The following NRG1 variants were observed in gnomAD, a reference collection of about 807,000 sequenced individuals.
The protein encoded by NRG1 is neuregulin 1, also known as pro-neuregulin-1, membrane-bound isoform.
In NRG1, 18 loss-of-function variants were observed where a neutral mutation model predicts 63.8. That is an observed-to-expected ratio of 0.28 (90% CI 0.19 to 0.42). The LOEUF (loss-of-function observed/expected upper bound fraction) is 0.42. Ranked by LOEUF, NRG1 falls within the 10% of genes least tolerant of loss-of-function variation. NRG1 has a pLI of 1.00. For synonymous variants in NRG1, 302 were observed against 301.3 expected (o/e 1.00, Z -0.02); for missense variants, 762 against 814.7 (o/e 0.94, Z 0.79).
intron 8 of NRG1, among the ~76,000 whole-genome samples, 156 bp from the exon 9 acceptor site, chr8:32,756,247 C>T (rs1341592131): frequency 6.6e-6 from 1 of 152,060 alleles, no homozygotes; most frequent in African/African-American, 2.4e-5. Flanking sequence ...TGTGGTTTCA[C>T]TTATTCTGGG....
intron 1 of NRG1, among the ~76,000 whole-genome samples, chr8:32,384,730 C>T (rs957398197): frequency 6.6e-6 from 1 of 152,128 alleles, no homozygotes; most frequent in Non-Finnish European, 1.5e-5. Flanking sequence ...ATTTCTAAGT[C>T]GTTTTTACAT....
intron 1 of NRG1, among the ~76,000 whole-genome samples, chr8:31,833,228 A>G (rs1280919603): frequency 6.6e-6 from 1 of 152,210 alleles, no homozygotes; most frequent in African/African-American, 2.4e-5. Flanking sequence ...TTAAAATCTC[A>G]GCTATTTGTT....
intron 1 of NRG1, among the ~76,000 whole-genome samples, chr8:32,538,093 C>T (rs935318077): frequency 3.9e-5 from 6 of 152,084 alleles, no homozygotes; most frequent in African/African-American, 1.4e-4. Context: ...CTCAAGTGAT[C>T]CACCTGCCTC....
intron 1 of NRG1, among the ~76,000 whole-genome samples, chr8:32,331,205 T>A (rs577852769): frequency 3.3e-5 from 5 of 152,112 alleles, no homozygotes; most frequent in Admixed American, 6.5e-5. Flanking sequence ...ACAGAAAGCT[T>A]CTTCTTCTGG....
chr8:31,858,223 TG>T (rs1035520510), intron 1 of NRG1, among the ~76,000 whole-genome samples: 8 of 150,956 alleles, frequency 5.3e-5, no homozygotes, highest in African/African-American at 1.7e-4. Context: ...GGCGTGAAAC[TG>T]GGAGGTGGAG....
chr8:32,420,334 A>G (rs186057650), intron 1 of NRG1, among the ~76,000 whole-genome samples: 16 of 152,276 alleles, frequency 1.1e-4, no homozygotes, highest in Admixed American at 1.0e-3. Context: ...AAAAGTTCCA[A>G]AAACTTCCTT....
intron 1 of NRG1, among the ~76,000 whole-genome samples, chr8:32,125,460 T>G (rs1833954489): frequency 6.6e-6 from 1 of 151,968 alleles, no homozygotes; most frequent in Non-Finnish European, 1.5e-5. Flanking sequence ...ATCTGCTGAT[T>G]AATTATGCAT....
intron 1 of NRG1, among the ~76,000 whole-genome samples, chr8:32,510,691 G>T (rs75673683): frequency 0.12 from 17,797 of 151,932 alleles, 1,310 homozygotes; most frequent in Admixed American, 0.25. Flanking sequence ...TAAAACAAAG[G>T]GCTCAGCCAG....
rs548803086 is a variant in NRG1, at chr8:31,858,596, A to G, written c.37+219165A>G. Among the ~76,000 whole-genome samples, 3 of 152,296 alleles carry G rather than the reference A, an allele frequency of 2.0e-5. No individual in the cohort carries two copies. In the South Asian group the frequency reaches 6.2e-4, roughly 32 times the overall value. On this transcript the variant is annotated intron_variant, in intron 1 of 10. Coordinates refer to the NRG1 transcript ENST00000519301. ...GAAGAAGCTCCAAAGAACTTCCCAAAGCCAAACTTACACCAAAAAAATGTT... is the reference window on the plus strand; with the variant it reads ...GAAGAAGCTCCAAAGAACTTCCCAAGGCCAAACTTACACCAAAAAAATGTT...
chr8:32,092,032 A>C (rs1228602665), intron 1 of NRG1, among the ~76,000 whole-genome samples: 1 of 152,170 alleles, frequency 6.6e-6, no homozygotes, highest in Non-Finnish European at 1.5e-5. Context: ...AAAGACACTA[A>C]GACCATTCAC....
intron 1 of NRG1, among the ~76,000 whole-genome samples, chr8:31,932,344 G>A (rs1007413943): frequency 2.6e-5 from 4 of 152,228 alleles, no homozygotes; most frequent in East Asian, 1.9e-4. Flanking sequence ...GCAAGTATCC[G>A]ATGTATCTTA....
intron 1 of NRG1, among the ~76,000 whole-genome samples, chr8:32,088,531 T>C (rs923016460): frequency 3.3e-5 from 5 of 151,444 alleles, no homozygotes; most frequent in African/African-American, 1.2e-4. Flanking sequence ...CTTTTTTTTT[T>C]TTTTTGAGAC....
At chr8:32,743,359 G>A (rs1826780348) in intron 7 of NRG1, 1 of 304,946 alleles carries the variant, frequency 3.3e-6, no homozygotes, top group Non-Finnish European at 4.8e-6. Flanking sequence ...GTTGCTTAGG[G>A]AACAAGTAAT....
chr8:32,050,127 C>T (rs556700176), intron 1 of NRG1, among the ~76,000 whole-genome samples: 1 of 152,072 alleles, frequency 6.6e-6, no homozygotes, highest in South Asian at 2.1e-4. Context: ...AAGAAGTTAG[C>T]ATATAGGAAG....
chr8:32,560,885 T>C (rs1171844968), intron 1 of NRG1, among the ~76,000 whole-genome samples: 5 of 152,240 alleles, frequency 3.3e-5, no homozygotes, highest in Non-Finnish European at 7.3e-5. Context: ...TAATGTTTGC[T>C]ATGTTAAGAG....
At chr8:31,910,765 A>C (rs888939400) in intron 1 of NRG1, among the ~76,000 whole-genome samples, 1 of 152,194 alleles carries the variant, frequency 6.6e-6, no homozygotes, top group Non-Finnish European at 1.5e-5. Context: ...CGAATTTTTA[A>C]GATAAGATAT....
intron 5 of NRG1, chr8:32,722,098 A>G: frequency 3.7e-6 from 5 of 1,349,250 alleles, no homozygotes; most frequent in Non-Finnish European, 5.1e-6. Flanking sequence ...ATATTCAAAC[A>G]TTTAAAATGT....
intron 5 of NRG1, among the ~76,000 whole-genome samples, chr8:32,663,587 C>T (rs189265681): frequency 3.3e-5 from 5 of 152,244 alleles, no homozygotes; most frequent in African/African-American, 9.6e-5. Flanking sequence ...TCAAATTACT[C>T]GTCAAGTTGC....
chr8:32,233,563 A>ATATATATATTTTTT (rs34593729), intron 1 of NRG1, among the ~76,000 whole-genome samples: 2 of 67,262 alleles, frequency 3.0e-5, no homozygotes, highest in Non-Finnish European at 5.0e-5. Flanking sequence ...ATATATATAT[A>ATATATATATTTTTT]TTTTTTTTTT....
Sources: gnomAD v4.1 joint callset for allele counts (sites outside exome capture counted in the v4.1 genomes callset) on GRCh38, gnomAD v4.1.1 for gene constraint, MANE v1.5 for transcripts, NCBI Gene and HGNC (gene_info 2026-07-23, HGNC 2026-07-21) for gene names.